NCOA7: variants seen among roughly 807,000 people sequenced by gnomAD.
NCOA7 encodes the protein nuclear receptor coactivator 7, also known as 140 kDa estrogen receptor-associated protein.
NCOA7 carries 45 observed loss-of-function variants against 104.3 expected under a neutral mutation model. The observed-to-expected ratio is 0.43, with a 90% CI of 0.34 to 0.55. NCOA7 has a LOEUF of 0.55. NCOA7 is among the 20% of genes least tolerant of loss of function. NCOA7 has a pLI of 0.02. For synonymous variants in NCOA7, 398 were observed against 402.3 expected (o/e 0.99, Z 0.13); for missense variants, 1,041 against 1,119.7 (o/e 0.93, Z 1.00).
intron 6 of NCOA7, among the ~76,000 whole-genome samples, 196 bp from the exon 7 acceptor site, chr6:125,882,230 G>GA (rs142264838): frequency 0.026 from 3,819 of 146,192 alleles, 149 homozygotes; most frequent in African/African-American, 0.088. Context: ...TTTTTTAAAA[G>GA]AAAAAAAAAA....
chr6:125,925,681 A>C (rs141447457), intron 13 of NCOA7, among the ~76,000 whole-genome samples: 76 of 152,310 alleles, frequency 5.0e-4, no homozygotes, highest in African/African-American at 1.7e-3. Flanking sequence ...ATGTTACATA[A>C]TTTTATGTCT....
intron 2 of NCOA7, among the ~76,000 whole-genome samples, chr6:125,816,602 A>T (rs1777610732): frequency 6.6e-6 from 1 of 152,222 alleles, no homozygotes; most frequent in Non-Finnish European, 1.5e-5. Flanking sequence ...CAGGCATCTA[A>T]TGGATGAGGC....
At chr6:125,916,079 T>A (rs1253856434) in intron 11 of NCOA7, among the ~76,000 whole-genome samples, 1 of 152,140 alleles carries the variant, frequency 6.6e-6, no homozygotes, top group Non-Finnish European at 1.5e-5. Context: ...TCCCCAAATG[T>A]CAAGGGAGGC....
chr6:125,879,535 A>G (rs1783647483), intron 5 of NCOA7, among the ~76,000 whole-genome samples: 1 of 152,062 alleles, frequency 6.6e-6, no homozygotes, highest in African/African-American at 2.4e-5. Context: ...TGATTTTCCC[A>G]CTTTTATTTT....
In NCOA7 at chr6:125,878,103, A is replaced by G. The variant is rs529237874; in HGVS notation, c.352-160A>G. On this transcript the variant is annotated intron_variant, in intron 4 of 15. Coordinates refer to ENST00000392477, the MANE Select transcript of NCOA7 (RefSeq NM_181782.5). Reference sequence around the variant, plus strand: ...GCATTTAAGACTTTGCTGTAAAATGATTTTATTAAGAATTGACAATGTATT... The same window carrying G: ...GCATTTAAGACTTTGCTGTAAAATGGTTTTATTAAGAATTGACAATGTATT... 4.6e-5 allele frequency among the ~76,000 whole-genome samples: 7 copies of G among 152,358 alleles called. No individual in the cohort carries two copies. In the South Asian group the frequency reaches 1.4e-3, roughly 32 times the overall value.
intron 1 of NCOA7, among the ~76,000 whole-genome samples, chr6:125,814,316 G>T (rs1304818524): frequency 6.6e-6 from 1 of 152,122 alleles, no homozygotes; most frequent in East Asian, 1.9e-4. Flanking sequence ...CACCATGCCT[G>T]TCTAATTTTT....
chr6:125,872,099 C>T (rs1231274348), intron 3 of NCOA7, among the ~76,000 whole-genome samples: 3 of 151,042 alleles, frequency 2.0e-5, no homozygotes, highest in East Asian at 1.9e-4. Context: ...GAAGGGAAGG[C>T]GTTTTTTTTG....
At chr6:125,853,876 A>C (rs896130509) in intron 2 of NCOA7, among the ~76,000 whole-genome samples, 2 of 152,170 alleles carry the variant, frequency 1.3e-5, no homozygotes, top group African/African-American at 4.8e-5. Context: ...AGTTCTCTTA[A>C]GTGTTGTAGC....
rs542441314 is a variant in NCOA7, at chr6:125,815,176, G to A, written c.-64-115G>A. On this transcript the variant is annotated intron_variant, in intron 1 of 15. Transcript: ENST00000392477. ...TATTTGACTCATGTGACTGTTTCCT[G>A]GTTAAAGTTTATTTTTCATTTGTTT... 1.1e-4 allele frequency: 47 copies of A among 422,196 alleles called. No homozygotes were observed. In the South Asian group the frequency reaches 3.0e-3, roughly 27 times the overall value. The allele number at this position is 422,196 out of a possible 1,614,324, so 26.2% of individuals were successfully genotyped here. A position where few individuals can be genotyped will look rare whatever the true frequency, so the allele number is the denominator to read the frequency against.
At chr6:125,794,465 T>C (rs1248797564) in intron 1 of NCOA7, among the ~76,000 whole-genome samples, 2 of 152,246 alleles carry the variant, frequency 1.3e-5, no homozygotes, top group Non-Finnish European at 2.9e-5. Context: ...CTGTTCTACC[T>C]TGTTTTTCTT....
At position 125,889,066 on chromosome 6, in the gene NCOA7, G is replaced by A; in HGVS notation, c.1012G>A (p.Glu338Lys). 2 of 1,614,094 alleles carry A rather than the reference G, an allele frequency of 1.2e-6. No homozygotes were observed. The highest frequency in any genetic ancestry group is 1.3e-5 in the African/African-American group (1 of 75,050). ...INKEKRQQNG[E>K]KIMTSDSRPI... ...CAAGGAAAAACGACAGCAGAATGGA[G>A]AGAAAATTATGACTTCGGATTCCAG... Residue 338 changes from glutamate (E) to lysine (K), a missense_variant, in exon 9 of 16, where the codon GAG (glutamate) becomes AAG (lysine). By Grantham distance (56) the Glu-to-Lys change is moderately conservative. This residue lies in a region of NCOA7 where 914 missense variants were observed against 942.7 expected (regional missense o/e 0.97). Coordinates refer to ENST00000392477, the MANE Select transcript of NCOA7 (RefSeq NM_181782.5).
intron 1 of NCOA7, among the ~76,000 whole-genome samples, chr6:125,813,346 C>T (rs768283761): frequency 2.6e-5 from 4 of 152,100 alleles, no homozygotes; most frequent in African/African-American, 9.7e-5. Context: ...CCCATGTCTT[C>T]ATCCTCAGCT....
intron 2 of NCOA7, among the ~76,000 whole-genome samples, chr6:125,815,887 A>G (rs1777548401): frequency 1.3e-5 from 2 of 152,222 alleles, no homozygotes; most frequent in Non-Finnish European, 2.9e-5. Flanking sequence ...TAAGGCTGGA[A>G]CTTGTCCAAC....
At chr6:125,811,170 T>C (rs561711356) in intron 1 of NCOA7, among the ~76,000 whole-genome samples, 1 of 152,340 alleles carries the variant, frequency 6.6e-6, no homozygotes, top group South Asian at 2.1e-4. Flanking sequence ...TCCTGGAGTC[T>C]GAGGGAGGCT....
rs922350161 is a variant in NCOA7 at position 125,799,114 on chromosome 6, T to C, written c.-65+8047T>C. The stretch of plus-strand genomic sequence containing the variant: ...CCCAAGAATGTGGCTTAGATGATGA[T>C]GGCACTGTGTCCTCTCTACATTTCA... On this transcript the variant is annotated intron_variant, in intron 1 of 15. Transcript: ENST00000392477. Among the ~76,000 whole-genome samples, 4 of 152,184 alleles carry C rather than the reference T, an allele frequency of 2.6e-5. No homozygotes were observed. In the East Asian group the frequency reaches 7.7e-4, roughly 29 times the overall value.
At chr6:125,826,917 G>T (rs1159469496) in intron 2 of NCOA7, among the ~76,000 whole-genome samples, 2 of 152,144 alleles carry the variant, frequency 1.3e-5, no homozygotes, top group Non-Finnish European at 2.9e-5. Context: ...GTGAGAGTGG[G>T]CTGGGCGCGG....
rs1029774389 is a variant in NCOA7, at chr6:125,929,339, T to C, written c.*568T>C. 1 of 152,140 alleles carries C rather than the reference T, an allele frequency of 6.6e-6. No individual in the cohort carries two copies. Among genetic ancestry groups the C allele is most frequent in the Non-Finnish European group, 1.5e-5 (1 of 67,990 alleles). 9.4% of individuals were successfully genotyped at this position (152,140 alleles called of 1,614,324 possible). A position where few individuals can be genotyped will look rare whatever the true frequency, so the allele number is the denominator to read the frequency against. On this transcript the variant is annotated 3_prime_UTR_variant, in exon 16 of 16. Transcript: ENST00000392477. The stretch of plus-strand genomic sequence containing the variant: ...TCTTTTAATGTGTCAAATCTTGAAA[T>C]ATTAAATGTATACATTTTGTGCTAT...
At chr6:125,807,641 G>A (rs1776583701) in intron 1 of NCOA7, among the ~76,000 whole-genome samples, 1 of 152,142 alleles carries the variant, frequency 6.6e-6, no homozygotes, top group Non-Finnish European at 1.5e-5. Context: ...ACAGCCGAGG[G>A]CTTTTGAACC....
rs1410432800 is a variant in NCOA7 at position 125,889,801 on chromosome 6, G to A, written c.1747G>A (p.Val583Met). The A allele has an allele frequency of 3.7e-6, 6 of 1,612,254 alleles. No individual in the cohort carries two copies. The highest frequency in any genetic ancestry group is 4.2e-6 in the Non-Finnish European group (5 of 1,179,460). Reference sequence around the variant, plus strand: ...CAATAAAGAGCCAGATAAGACCTGGGTGAAAAAGGGAGAGCCCCTCCCGGT... The same window carrying A: ...CAATAAAGAGCCAGATAAGACCTGGATGAAAAAGGGAGAGCCCCTCCCGGT... ...EGNKEPDKTWVKKGEPLPVKL... is the reference protein window; with the variant it reads ...EGNKEPDKTWMKKGEPLPVKL... Residue 583 changes from valine to methionine, a missense_variant, in exon 9 of 16, where the codon GTG becomes ATG. This residue lies in a region of NCOA7 where 914 missense variants were observed against 942.7 expected (regional missense o/e 0.97). Coordinates refer to ENST00000392477, the MANE Select transcript of NCOA7 (RefSeq NM_181782.5).
Sources: allele counts gnomAD v4.1 joint callset (sites outside exome capture counted in the v4.1 genomes callset), GRCh38; gene constraint gnomAD v4.1.1; regional missense constraint gnomAD v4.1.1; transcripts MANE v1.5; gene names NCBI Gene and HGNC (gene_info 2026-07-23, HGNC 2026-07-21).